The following MRPL24 variants were observed in gnomAD, a reference collection of about 807,000 sequenced individuals.
The protein encoded by MRPL24 is mitochondrial ribosomal protein L24.
Under a neutral mutation model 26.9 loss-of-function variants are expected in MRPL24, and 15 were observed. That is an observed-to-expected ratio of 0.56 (90% CI 0.37 to 0.86). MRPL24 has a LOEUF of 0.86. Among genes scored for constraint, MRPL24 ranks in the 40% least tolerant of loss-of-function variants. The pLI is 0.00. For synonymous variants in MRPL24, 92 were observed against 102.4 expected (o/e 0.90, Z 0.62); for missense variants, 241 against 281.4 (o/e 0.86, Z 1.03).
At position 156,738,443 on chromosome 1, in the gene MRPL24, G is replaced by A. The variant is rs1218138410; in HGVS notation, c.184-5C>T. 6.2e-7 allele frequency: 1 copy of A among 1,613,762 alleles called. No individual in the cohort carries two copies. Among genetic ancestry groups the A allele is most frequent in the African/African-American group, 1.3e-5 (1 of 74,898 alleles). ...CTTGCCTTCTAGGATCTCCACCTGT[G>A]GGAAGATACGAAGGTTAGGGAGGGG... On this transcript the variant is annotated splice_region_variant and splice_polypyrimidine_tract_variant and intron_variant, in intron 2 of 5. Coordinates refer to ENST00000361531, the MANE Select transcript of MRPL24 (RefSeq NM_145729.3).
chr1:156,737,865 G>T, intron 4 of MRPL24, 89 bp from the exon 5 acceptor site: 1 of 1,556,156 alleles, frequency 6.4e-7, no homozygotes, highest in Admixed American at 1.8e-5. Flanking sequence ...AAACACAAGG[G>T]TTACCACCGC....
rs767992326 is a variant in MRPL24 at position 156,737,757 on chromosome 1, A to G, written c.403T>C (p.Trp135Arg). ...PMDRKPTEIE[W>R]RFTEAGERVR... is the part of the protein sequence containing the mutation. ...CGCTCTCCTGCTTCAGTAAATCTCC[A>G]CTCGATCTCAGTGGGTTTCCTGGTG... is the stretch of plus-strand genomic sequence containing the variant. The change falls in exon 5 of 6, where the codon TGG (tryptophan) becomes CGG (arginine). Residue 135 changes from tryptophan (W) to arginine (R), a missense_variant. By Grantham distance (101) the Trp-to-Arg change is moderately radical. Transcript: ENST00000361531. 66 of 1,613,008 alleles carry G rather than the reference A, an allele frequency of 4.1e-5. No individual in the cohort carries two copies. The highest frequency in any genetic ancestry group is 4.5e-5 in the Non-Finnish European group (53 of 1,179,794).
chr1:156,737,513 A>G lies in MRPL24; in HGVS notation c.536T>C (p.Val179Ala). The G allele has an allele frequency of 6.2e-7, 1 of 1,608,892 alleles. No individual in the cohort carries two copies. The highest frequency in any genetic ancestry group is 2.2e-5 in the East Asian group (1 of 44,864). The change falls in exon 6 of 6, where the codon GTG becomes GCG. Residue 179 changes from valine (V) to alanine (A), a missense_variant. Val to Ala is a moderately conservative substitution (Grantham distance 64). Transcript: ENST00000361531. ...TWIDGPKDTSVEDALERTYVP... is the reference protein window; with the variant it reads ...TWIDGPKDTSAEDALERTYVP... ...ATAGGTTCTTTCTAAAGCATCTTCC[A>G]CTGATGTGTCTTTGGGGCCATCTGT...
Position 156,738,746 on chromosome 1 carries a change from G to C in MRPL24, c.-42C>G. 3 of 1,537,706 alleles carry C rather than the reference G, an allele frequency of 2.0e-6. No individual in the cohort carries two copies. The highest frequency in any genetic ancestry group is 2.6e-6 in the Non-Finnish European group (3 of 1,144,442). On this transcript the variant is annotated 5_prime_UTR_variant, in exon 2 of 6. Transcript: ENST00000361531. The stretch of plus-strand genomic sequence containing the variant: ...AAATCCCTTTGCCAGCAAAACGCTC[G>C]AAACCTTCCTTGTCAGCTCTGGGCA...
chr1:156,741,300 G>T (rs928145865), upstream of MRPL24: 3 of 152,252 alleles, frequency 2.0e-5, no homozygotes, highest in Non-Finnish European at 2.9e-5. Context: ...CGAAAGGCAA[G>T]CTGGTTCGGC....
Position 156,737,416 on chromosome 1 carries a change from C to A in MRPL24, c.633G>T (p.Lys211Asn), listed in dbSNP as rs1649903781. The change falls in exon 6 of 6, where the codon AAG (lysine) becomes AAT (asparagine). Residue 211 changes from lysine (K) to asparagine (N), a missense_variant. Lys to Asn is a moderately conservative substitution (Grantham distance 94). Transcript: ENST00000361531. ...AMGIKETRKY[K>N]KVYWY ...CCCAGGCTCAATACCAATAGACCTT[C>A]TTGTATTTCCGGGTCTCCTTGATCC... 6.3e-7 allele frequency: 1 copy of A among 1,598,330 alleles called. No individual in the cohort carries two copies. Among genetic ancestry groups the A allele is most frequent in the East Asian group, 2.2e-5 (1 of 44,862 alleles).
At chr1:156,739,173 ATAGG>A (rs1323979712) in intron 1 of MRPL24, among the ~76,000 whole-genome samples, 2 of 152,178 alleles carry the variant, frequency 1.3e-5, no homozygotes, top group Non-Finnish European at 2.9e-5. Context: ...AAATGAACAA[ATAGG>A]TAGCAGAAAT....
chr1:156,737,522 T>C lies in MRPL24; in HGVS notation c.527A>G (p.Asp176Gly), dbSNP rs147637514. The change falls in exon 6 of 6, where the codon GAC becomes GGC. Residue 176 changes from aspartate to glycine, a missense_variant. By Grantham distance (94) the Asp-to-Gly change is moderately conservative. Coordinates refer to ENST00000361531, the MANE Select transcript of MRPL24 (RefSeq NM_145729.3). ...VPETWIDGPK[D>G]TSVEDALERT... is the part of the protein sequence containing the mutation. ...TTCTAAAGCATCTTCCACTGATGTG[T>C]CTTTGGGGCCATCTGTTAAGCCAGA... The C allele has an allele frequency of 8.4e-5, 135 of 1,606,406 alleles. No individual in the cohort carries two copies. Among genetic ancestry groups the C allele is most frequent in the Non-Finnish European group, 1.1e-4 (132 of 1,176,620 alleles).
intron 1 of MRPL24, among the ~76,000 whole-genome samples, chr1:156,739,074 T>C (rs1264232987): frequency 6.6e-6 from 1 of 152,136 alleles, no homozygotes; most frequent in Non-Finnish European, 1.5e-5. Context: ...CAAATACTTA[T>C]TAAATCAATG....
At chr1:156,740,704 CCAGCCCAGAG>C (rs1046713360) in intron 1 of MRPL24, 3 of 152,292 alleles carry the variant, frequency 2.0e-5, no homozygotes, top group Non-Finnish European at 4.4e-5. Flanking sequence ...CTGAACCACC[CCAGCCCAGAG>C]CAGCTTGCAT....
At position 156,738,370 on chromosome 1, in the gene MRPL24, G is replaced by A. The variant is rs752716981; in HGVS notation, c.252C>T (p.Asn84=). The A allele has an allele frequency of 2.5e-6, 4 of 1,614,108 alleles. No individual in the cohort carries two copies. Among genetic ancestry groups the A allele is most frequent in the Middle Eastern group, 3.3e-4 (2 of 6,062 alleles). ...TGTTCAGCCCTCCCACGACCACCCA[G>A]TTTCGCTGCCGGATAACTTGAACCA... The part of the protein sequence containing the change: ...GKVVQVIRQR[N]WVVVGGLNTH... Residue 84 remains asparagine (N), a synonymous_variant, in exon 3 of 6, where the codon AAC becomes AAT. Transcript: ENST00000361531.
Position 156,738,430 on chromosome 1 carries a change from G to A in MRPL24, c.192C>T (p.Ile64=), listed in dbSNP as rs1340728065. Residue 64 remains isoleucine (I), a synonymous_variant, in exon 3 of 6, where the codon ATC becomes ATT. Transcript: ENST00000361531. Reference sequence around the variant, plus strand: ...GCTTCCCGGCATCCTTGCCTTCTAGGATCTCCACCTGTGGGAAGATACGAA... The same window carrying A: ...GCTTCCCGGCATCCTTGCCTTCTAGAATCTCCACCTGTGGGAAGATACGAA... ...WYLFCGDTVE[I]LEGKDAGKQG... The A allele has an allele frequency of 2.5e-6, 4 of 1,613,798 alleles. No homozygotes were observed. The Admixed American group carries it at 6.7e-5, about 27-fold the overall frequency.
At position 156,737,735 on chromosome 1, in the gene MRPL24, T is replaced by G. The variant is rs1427290408; in HGVS notation, c.425A>C (p.Glu142Ala). The G allele has an allele frequency of 6.2e-7, 1 of 1,614,014 alleles. No individual in the cohort carries two copies. The highest frequency in any genetic ancestry group is 8.5e-7 in the Non-Finnish European group (1 of 1,180,030). ...TGATCGTGTGGAGACTCGTACCCGC[T>G]CTCCTGCTTCAGTAAATCTCCACTC... Reference protein sequence around the residue: ...EIEWRFTEAGERVRVSTRSGR... With the variant: ...EIEWRFTEAGARVRVSTRSGR... The change falls in exon 5 of 6, where the codon GAG becomes GCG. Residue 142 changes from glutamate to alanine, a missense_variant. By Grantham distance (107) the Glu-to-Ala change is moderately radical (BLOSUM62 -1). Transcript: ENST00000361531.
At chr1:156,741,129 T>C (rs1298600550), upstream of MRPL24, 1 of 152,110 alleles carries the variant, frequency 6.6e-6, no homozygotes, top group Non-Finnish European at 1.5e-5. Context: ...CCGTCGACTT[T>C]CTGGGAGTTG....
chr1:156,737,838 A>T lies in MRPL24; in HGVS notation c.384-62T>A. On this transcript the variant is annotated intron_variant, in intron 4 of 5. Coordinates refer to ENST00000361531, the MANE Select transcript of MRPL24 (RefSeq NM_145729.3). ...AGGCTTCCTGCCACCCTCCAACCCAAAAGAGTCAGTGGTTCAAAACACAAG... is the reference window on the plus strand; with the variant it reads ...AGGCTTCCTGCCACCCTCCAACCCATAAGAGTCAGTGGTTCAAAACACAAG... 3 of 1,598,758 alleles carry T rather than the reference A, an allele frequency of 1.9e-6. No individual in the cohort carries two copies. The South Asian group carries it at 3.4e-5, about 18-fold the overall frequency.
At chr1:156,739,276 C>A (rs1650002013) in intron 1 of MRPL24, among the ~76,000 whole-genome samples, 1 of 152,136 alleles carries the variant, frequency 6.6e-6, no homozygotes. Context: ...AGCTCCTTTT[C>A]TAAAGGAAAA....
At position 156,738,154 on chromosome 1, in the gene MRPL24, G is replaced by A; in HGVS notation, c.280-20C>T. On this transcript the variant is annotated intron_variant, in intron 3 of 5. Coordinates refer to ENST00000361531, the MANE Select transcript of MRPL24 (RefSeq NM_145729.3). ...GTAATGCTGTCCAAGAGAGGGGAGTGTCAGAAAGCACGGGGTGTGAAAGGG... is the reference window on the plus strand; with the variant it reads ...GTAATGCTGTCCAAGAGAGGGGAGTATCAGAAAGCACGGGGTGTGAAAGGG... 1 of 1,612,252 alleles carries A rather than the reference G, an allele frequency of 6.2e-7. No homozygotes were observed. Among genetic ancestry groups the A allele is most frequent in the Non-Finnish European group, 8.5e-7 (1 of 1,178,354 alleles).
At chr1:156,738,500 AC>A (rs772171026) in intron 2 of MRPL24, 21 bp downstream of exon 2, 4 of 1,613,672 alleles carry the variant, frequency 2.5e-6, no homozygotes, top group African/African-American at 1.3e-5. Flanking sequence ...CCATCACTCT[AC>A]CCCCTGTATG....
upstream of MRPL24, chr1:156,741,996 T>C (rs981400195): frequency 1.3e-5 from 2 of 152,528 alleles, no homozygotes; most frequent in Non-Finnish European, 2.9e-5. Flanking sequence ...ATGGAGGAGG[T>C]TGACACCCTC....
Sources: allele counts gnomAD v4.1 joint callset (sites outside exome capture counted in the v4.1 genomes callset), GRCh38; gene constraint gnomAD v4.1.1; transcripts MANE v1.5; gene names NCBI Gene and HGNC (gene_info 2026-07-23, HGNC 2026-07-21).